FMN1: variants seen among roughly 807,000 people sequenced by gnomAD.
FMN1 encodes formin-1.
FMN1 carries 110 observed loss-of-function variants against 132.4 expected under a neutral mutation model. The ratio of observed to expected loss-of-function variants is 0.83; its 90% CI spans 0.71 to 0.97. The LOEUF (loss-of-function observed/expected upper bound fraction) is 0.97, where lower values mean the gene tolerates loss of function less well. Among genes scored for constraint, FMN1 ranks in the 50% least tolerant of loss-of-function variants. The pLI is 0.00. For synonymous variants in FMN1, 722 were observed against 651.7 expected, an observed-to-expected ratio of 1.11 and a Z score of -1.64; for missense variants, 1,792 against 1,705.3, an observed-to-expected ratio of 1.05 and a Z score of -0.90.
Position 32,773,874 on chromosome 15 carries a change from C to T in FMN1, c.*436G>A, listed in dbSNP as rs549589784. 1.8e-4 allele frequency: 30 copies of T among 171,272 alleles called. No individual in the cohort carries two copies. Among genetic ancestry groups the T allele is most frequent in the Admixed American group, 6.4e-4 (10 of 15,520 alleles). The allele number at this position is 171,272 out of a possible 1,614,324, so 10.6% of individuals were successfully genotyped here. ...CAGGATCAAAACTAAGACCAATAATCAAAACAGCAGTGTGTAACGACAAAG... is the reference window on the plus strand; with the variant it reads ...CAGGATCAAAACTAAGACCAATAATTAAAACAGCAGTGTGTAACGACAAAG... On this transcript the variant is annotated 3_prime_UTR_variant, in exon 21 of 21. Transcript: ENST00000616417.
At chr15:32,819,917 T>A (rs1289081095) in intron 17 of FMN1, among the ~76,000 whole-genome samples, 1 of 152,220 alleles carries the variant, frequency 6.6e-6, no homozygotes, top group Non-Finnish European at 1.5e-5. Context: ...ATTTTTCGCA[T>A]ACTTGAAACA....
rs531397989 is a variant in FMN1 at position 33,089,395 on chromosome 15, T to G, written c.1868-421A>C. Among the ~76,000 whole-genome samples, 7 of 152,362 alleles carry G rather than the reference T, an allele frequency of 4.6e-5. No individual in the cohort carries two copies. The South Asian group carries it at 1.4e-3, about 32-fold the overall frequency. The stretch of plus-strand genomic sequence containing the variant: ...GGCAGGAACTGTGCCTTGTTCATCT[T>G]CATTTCTGGGAACAGAATCATTATG... On this transcript the variant is annotated intron_variant, in intron 4 of 20. Transcript: ENST00000616417.
chr15:32,960,246 G>A (rs983168741), intron 9 of FMN1, among the ~76,000 whole-genome samples: 1 of 152,146 alleles, frequency 6.6e-6, no homozygotes, highest in Admixed American at 6.5e-5. Flanking sequence ...GAGAGAGGGT[G>A]GGGTGAGAGC....
intron 15 of FMN1, among the ~76,000 whole-genome samples, chr15:32,894,487 TA>T (rs374906354): frequency 0.042 from 5,490 of 130,050 alleles, 269 homozygotes; most frequent in African/African-American, 0.13. Flanking sequence ...CCATCTCAAT[TA>T]AAAAAAAAAA....
rs1015463511 is a variant in FMN1, at chr15:32,771,810, T to G, written c.*2500A>C. Reference sequence around the variant, plus strand: ...TTTTAGAGGGATCATTTTCAAGGCCTCCAGATTATTTTAGATGAACTTCCT... The same window carrying G: ...TTTTAGAGGGATCATTTTCAAGGCCGCCAGATTATTTTAGATGAACTTCCT... On this transcript the variant is annotated 3_prime_UTR_variant, in exon 21 of 21. Coordinates refer to ENST00000616417, the MANE Select transcript of FMN1 (RefSeq NM_001277313.2). 1 of 152,340 alleles carries G rather than the reference T, an allele frequency of 6.6e-6. No homozygotes were observed. Among genetic ancestry groups the G allele is most frequent in the South Asian group, 2.1e-4 (1 of 4,826 alleles). The allele number at this position is 152,340 out of a possible 1,614,324, so 9.4% of individuals were successfully genotyped here.
chr15:32,810,313 G>T (rs1406233732), intron 17 of FMN1, among the ~76,000 whole-genome samples: 1 of 152,226 alleles, frequency 6.6e-6, no homozygotes, highest in African/African-American at 2.4e-5. Context: ...TTTTGGCACA[G>T]AAATTTCTAA....
At chr15:32,994,633 C>T (rs774434585) in intron 7 of FMN1, among the ~76,000 whole-genome samples, 4 of 152,170 alleles carry the variant, frequency 2.6e-5, no homozygotes, top group East Asian at 1.9e-4. Context: ...CCTGCTCCCT[C>T]GAGCACCTAG....
intron 19 of FMN1, among the ~76,000 whole-genome samples, chr15:32,792,478 C>CAA (rs11412910): frequency 1.3e-5 from 2 of 150,996 alleles, no homozygotes; most frequent in African/African-American, 4.9e-5. Context: ...AAAAAAAACC[C>CAA]AAAAAAACTA....
intron 17 of FMN1, among the ~76,000 whole-genome samples, chr15:32,813,800 T>A (rs552999992): frequency 6.6e-6 from 1 of 152,206 alleles, no homozygotes; most frequent in Non-Finnish European, 1.5e-5. Flanking sequence ...ACTATTTGGA[T>A]TACACTAATA....
At chr15:33,027,655 T>A (rs2035744265) in intron 6 of FMN1, among the ~76,000 whole-genome samples, 1 of 151,848 alleles carries the variant, frequency 6.6e-6, no homozygotes, top group Non-Finnish European at 1.5e-5. Flanking sequence ...AGTAATCTGA[T>A]CTTTCCTGAT....
At chr15:33,128,818 T>C (rs115280672) in intron 4 of FMN1, among the ~76,000 whole-genome samples, 3,120 of 152,214 alleles carry the variant, frequency 0.02, 114 homozygotes, top group African/African-American at 0.072. Context: ...ACGAGCAAAA[T>C]AACAAAGCCT....
At chr15:32,797,660 A>C (rs920325873) in intron 19 of FMN1, among the ~76,000 whole-genome samples, 1 of 152,040 alleles carries the variant, frequency 6.6e-6, no homozygotes, top group Non-Finnish European at 1.5e-5. Flanking sequence ...GTTCCCAAAG[A>C]AGTACTGATG....
In FMN1 at chr15:32,770,465, T is replaced by C. The variant is rs574199483; in HGVS notation, c.*3845A>G. The C allele has an allele frequency of 5.3e-5, 8 of 152,330 alleles. No individual in the cohort carries two copies. In the South Asian group the frequency reaches 1.7e-3, roughly 32 times the overall value. The allele number at this position is 152,330 out of a possible 1,614,324, so 9.4% of individuals were successfully genotyped here. ...AGCAAATCTTTGCCCAAAATAAACA[T>C]ATTTCTTCTGCTACATCTCACTGCG... is the stretch of plus-strand genomic sequence containing the variant. On this transcript the variant is annotated 3_prime_UTR_variant, in exon 21 of 21. Coordinates refer to ENST00000616417, the MANE Select transcript of FMN1 (RefSeq NM_001277313.2).
chr15:33,066,558 C>G (rs1566883835), intron 5 of FMN1: 1 of 1,607,560 alleles, frequency 6.2e-7, no homozygotes, highest in South Asian at 1.1e-5. Context: ...TTGGACCGTT[C>G]AAACACAGCT....
At chr15:32,826,736 T>G (rs1051253240) in intron 17 of FMN1, among the ~76,000 whole-genome samples, 1 of 152,226 alleles carries the variant, frequency 6.6e-6, no homozygotes, top group Non-Finnish European at 1.5e-5. Context: ...CACCTTCTAT[T>G]AGAACACTAC....
intron 10 of FMN1, among the ~76,000 whole-genome samples, chr15:32,918,410 C>T (rs1458866328): frequency 2.0e-5 from 3 of 152,098 alleles, no homozygotes; most frequent in African/African-American, 4.8e-5. Flanking sequence ...GAGTAAGAGA[C>T]AAGTATAAAA....
At chr15:33,140,193 AAC>A (rs61485667) in intron 4 of FMN1, among the ~76,000 whole-genome samples, 8,141 of 142,844 alleles carry the variant, frequency 0.057, 375 homozygotes, top group East Asian at 0.24. Context: ...CCTATGGTTA[AAC>A]ACACACACAC....
At chr15:32,865,836 C>CA (rs59592154) in intron 16 of FMN1, among the ~76,000 whole-genome samples, 42 of 107,162 alleles carry the variant, frequency 3.9e-4, no homozygotes, top group East Asian at 3.4e-3. Context: ...AACTCCACCT[C>CA]AAAAAAAAAA....
At chr15:32,883,399 G>C (rs1308326016) in intron 16 of FMN1, among the ~76,000 whole-genome samples, 1 of 150,048 alleles carries the variant, frequency 6.7e-6, no homozygotes, top group Admixed American at 6.7e-5. Flanking sequence ...AGTCCCAGCT[G>C]CTTAGGAGGC....
Sources: allele counts gnomAD v4.1 joint callset (sites outside exome capture counted in the v4.1 genomes callset), GRCh38; gene constraint gnomAD v4.1.1; transcripts MANE v1.5; gene names NCBI Gene and HGNC (gene_info 2026-07-23, HGNC 2026-07-21).